ATXN7L1: variants seen among roughly 807,000 people sequenced by gnomAD.
The protein encoded by ATXN7L1 is ataxin-7-like protein 1.
Under a neutral mutation model 70.8 loss-of-function variants are expected in ATXN7L1, and 15 were observed. The ratio of observed to expected loss-of-function variants is 0.21; its 90% confidence interval spans 0.14 to 0.33. The LOEUF (loss-of-function observed/expected upper bound fraction) is 0.33, where lower values mean the gene tolerates loss of function less well. ATXN7L1 is among the 10% of genes least tolerant of loss of function. ATXN7L1 has a pLI of 1.00. For missense variants in ATXN7L1, 975 were observed against 1,097.1 expected, an observed-to-expected ratio of 0.89 and a Z score of 1.57; for synonymous variants, 440 against 445.1, an observed-to-expected ratio of 0.99 and a Z score of 0.14.
intron 8 of ATXN7L1, among the ~76,000 whole-genome samples, chr7:105,622,226 C>G (rs1486783482): frequency 6.6e-6 from 1 of 152,254 alleles, no homozygotes; most frequent in Non-Finnish European, 1.5e-5. Context: ...TAAGGGCACA[C>G]AGCTGCGCCA....
At chr7:105,627,814 G>A (rs1426003387) in intron 7 of ATXN7L1, among the ~76,000 whole-genome samples, 3 of 147,354 alleles carry the variant, frequency 2.0e-5, no homozygotes, top group East Asian at 2.0e-4. Context: ...TTACAGGCAT[G>A]AGCCACCACG....
chr7:105,837,808 C>T (rs926795430), intron 2 of ATXN7L1, among the ~76,000 whole-genome samples: 8 of 152,108 alleles, frequency 5.3e-5, no homozygotes, highest in African/African-American at 1.4e-4. Context: ...ATGGCGAGCC[C>T]GATGCCAACA....
At chr7:105,739,519 G>T (rs1190468416) in intron 3 of ATXN7L1, among the ~76,000 whole-genome samples, 2 of 152,130 alleles carry the variant, frequency 1.3e-5, no homozygotes, top group African/African-American at 4.8e-5. Flanking sequence ...TGCAGTCTGG[G>T]CCAGAACCAC....
intron 3 of ATXN7L1, 50 bp from the exon 4 acceptor site, chr7:105,665,338 G>A: frequency 7.0e-7 from 1 of 1,432,788 alleles, no homozygotes; most frequent in Non-Finnish European, 9.6e-7. Context: ...TAGCAGGTGA[G>A]GCTCCCACAC....
intron 3 of ATXN7L1, among the ~76,000 whole-genome samples, chr7:105,765,314 A>AG: frequency 7.8e-6 from 1 of 128,670 alleles, no homozygotes; most frequent in South Asian, 2.6e-4. Context: ...AGCCTGGGTC[A>AG]GAAAAAAAAA....
At chr7:105,768,392 T>G (rs1801555811) in intron 3 of ATXN7L1, among the ~76,000 whole-genome samples, 1 of 152,210 alleles carries the variant, frequency 6.6e-6, no homozygotes, top group African/African-American at 2.4e-5. Context: ...CCAGATCGCT[T>G]TCTCTCAACT....
At chr7:105,690,522 G>A (rs1275886682) in intron 3 of ATXN7L1, among the ~76,000 whole-genome samples, 2 of 152,232 alleles carry the variant, frequency 1.3e-5, no homozygotes, top group East Asian at 1.9e-4. Flanking sequence ...AAGCAGACCC[G>A]CTCCTCAGAA....
chr7:105,714,008 T>C (rs1459197933), intron 3 of ATXN7L1, among the ~76,000 whole-genome samples: 2 of 152,268 alleles, frequency 1.3e-5, no homozygotes, highest in Middle Eastern at 3.2e-3. Context: ...CGTGGTTCCA[T>C]GTGTTGCTAA....
intron 4 of ATXN7L1, among the ~76,000 whole-genome samples, chr7:105,643,720 T>C (rs1435640089): frequency 6.6e-6 from 1 of 152,372 alleles, no homozygotes; most frequent in African/African-American, 2.4e-5. Context: ...TGAGCCGCCA[T>C]GTAGCATTAT....
chr7:105,768,496 A>C (rs1801569586), intron 3 of ATXN7L1, among the ~76,000 whole-genome samples: 1 of 152,176 alleles, frequency 6.6e-6, no homozygotes, highest in Non-Finnish European at 1.5e-5. Flanking sequence ...CAGAATACTA[A>C]CAAGCGACTC....
At chr7:105,732,325 A>G (rs538641598) in intron 3 of ATXN7L1, among the ~76,000 whole-genome samples, 1 of 152,304 alleles carries the variant, frequency 6.6e-6, no homozygotes, top group African/African-American at 2.4e-5. Flanking sequence ...AGGCAGGAGC[A>G]TTGCTTGAAC....
At chr7:105,694,176 T>C (rs1791413939) in intron 3 of ATXN7L1, among the ~76,000 whole-genome samples, 1 of 152,044 alleles carries the variant, frequency 6.6e-6, no homozygotes, top group African/African-American at 2.4e-5. Context: ...GCCTCCCCAG[T>C]ATCTGGGTCT....
At chr7:105,748,553 C>CA (rs1365191277) in intron 3 of ATXN7L1, among the ~76,000 whole-genome samples, 1 of 152,212 alleles carries the variant, frequency 6.6e-6, no homozygotes, top group Non-Finnish European at 1.5e-5. Flanking sequence ...TCTGCAGACC[C>CA]AGCACCAATG....
intron 3 of ATXN7L1, among the ~76,000 whole-genome samples, chr7:105,780,904 T>C (rs1359669693): frequency 2.0e-5 from 3 of 152,234 alleles, no homozygotes; most frequent in Admixed American, 6.5e-5. Context: ...ACACATATTT[T>C]ACTTTGATAA....
chr7:105,697,954 C>A (rs904007237), intron 3 of ATXN7L1, among the ~76,000 whole-genome samples: 23 of 152,172 alleles, frequency 1.5e-4, no homozygotes, highest in African/African-American at 5.5e-4. Flanking sequence ...GAAGAGGAAG[C>A]TGGGCAGGGA....
chr7:105,623,891 TTC>T (rs1795292101), intron 8 of ATXN7L1, among the ~76,000 whole-genome samples, 182 bp downstream of exon 8: 1 of 152,254 alleles, frequency 6.6e-6, no homozygotes, highest in Admixed American at 6.5e-5. Flanking sequence ...TGGGAGCCCA[TTC>T]CTTTCCTTTT....
In ATXN7L1 at chr7:105,853,952, G is replaced by A. The variant is rs141551620; in HGVS notation, c.250+21860C>T. Among the ~76,000 whole-genome samples, 10 of 152,142 alleles carry A rather than the reference G, an allele frequency of 6.6e-5. No individual in the cohort carries two copies. The East Asian group carries it at 1.9e-3, about 29-fold the overall frequency. Reference sequence around the variant, plus strand: ...AGCAGCACCTCATTTCCCGGGGCCCGACACCTCCACAGGGGCCTAACATCT... The same window carrying A: ...AGCAGCACCTCATTTCCCGGGGCCCAACACCTCCACAGGGGCCTAACATCT... On this transcript the variant is annotated intron_variant, in intron 2 of 11. Coordinates refer to ENST00000419735, the MANE Select transcript of ATXN7L1 (RefSeq NM_020725.2).
rs1465477938 is a variant in ATXN7L1, at chr7:105,662,096, C to CT, written c.578+2969dup. 9.8e-4 allele frequency among the ~76,000 whole-genome samples: 113 copies of CT among 115,020 alleles called. 4 individuals are homozygous for CT. In the East Asian group the frequency reaches 0.027, roughly 27 times the overall value. 75.5% of individuals were successfully genotyped at this position (115,020 alleles called of 152,430 possible). A position where few individuals can be genotyped will look rare whatever the true frequency, so the allele number is the denominator to read the frequency against. ...CTTCCTTCCTTCTTTCTTTTCTTTT[C>CT]TTTTCTTTTCTTTTTTTTTTTTTTA... On this transcript the variant is annotated intron_variant, in intron 4 of 11. Coordinates refer to ENST00000419735, the MANE Select transcript of ATXN7L1 (RefSeq NM_020725.2).
intron 3 of ATXN7L1, among the ~76,000 whole-genome samples, chr7:105,733,725 T>C (rs1796984288): frequency 4.9e-5 from 6 of 121,278 alleles, no homozygotes; most frequent in Non-Finnish European, 9.1e-5. Flanking sequence ...CATCCATCCA[T>C]CCTTCCATCC....
Sources: gnomAD v4.1 joint callset for allele counts (sites outside exome capture counted in the v4.1 genomes callset) on GRCh38, gnomAD v4.1.1 for gene constraint, MANE v1.5 for transcripts, NCBI Gene and HGNC (gene_info 2026-07-23, HGNC 2026-07-21) for gene names.